WAPL: variants seen among roughly 807,000 people sequenced by gnomAD.
The protein encoded by WAPL is WAPL cohesin release factor.
In WAPL, 5 loss-of-function variants were observed where a neutral mutation model predicts 121.0. The observed-to-expected ratio is 0.04, with a 90% CI of 0.02 to 0.09. WAPL has a LOEUF of 0.09. Among genes scored for constraint, WAPL ranks in the 10% least tolerant of loss-of-function variants. The pLI is 1.00. For synonymous variants in WAPL, 480 were observed against 481.5 expected (o/e 1.00, Z 0.04); for missense variants, 999 against 1,410.8 (o/e 0.71, Z 4.68).
At chr10:86,469,871 A>G (rs535220892) in intron 8 of WAPL, among the ~76,000 whole-genome samples, 2 of 152,318 alleles carry the variant, frequency 1.3e-5, no homozygotes, top group South Asian at 2.1e-4. Flanking sequence ...TGTTAACTGC[A>G]TAACAAAGCA....
In WAPL at chr10:86,506,921, T is replaced by A. The variant is rs539428295; in HGVS notation, c.500-6178A>T. On this transcript the variant is annotated intron_variant, in intron 2 of 18. Coordinates refer to ENST00000298767, the MANE Select transcript of WAPL (RefSeq NM_015045.5). ...GCAGGACAGTTTGGGGACACTGATA[T>A]GCTGACTCTCCAGAGCCTCTTTATA... Among the ~76,000 whole-genome samples, 13 of 152,172 alleles carry A rather than the reference T, an allele frequency of 8.5e-5. No homozygotes were observed. In the East Asian group the frequency reaches 1.9e-3, roughly 23 times the overall value.
chr10:86,447,379 A>C (rs1849648995), intron 15 of WAPL, among the ~76,000 whole-genome samples: 1 of 152,250 alleles, frequency 6.6e-6, no homozygotes, highest in Non-Finnish European at 1.5e-5. Flanking sequence ...TGGGGGTTAC[A>C]GGTTACTCTG....
chr10:86,517,485 C>T, intron 2 of WAPL, 86 bp downstream of exon 2: 3 of 1,459,798 alleles, frequency 2.1e-6, no homozygotes, highest in Non-Finnish European at 2.7e-6. Flanking sequence ...AAAGAAAACA[C>T]AATATATATT....
chr10:86,454,728 C>T (rs972549312), intron 12 of WAPL, among the ~76,000 whole-genome samples: 6 of 151,288 alleles, frequency 4.0e-5, no homozygotes, highest in Non-Finnish European at 5.9e-5. Context: ...TCTGCCCGGC[C>T]GCCCAGCCTG....
chr10:86,501,310 TGTTA>T (rs1236850518), intron 2 of WAPL, among the ~76,000 whole-genome samples: 2 of 152,190 alleles, frequency 1.3e-5, no homozygotes, highest in African/African-American at 4.8e-5. Context: ...AGTTCTGGTG[TGTTA>T]GTTAAATGGC....
intron 15 of WAPL, 131 bp downstream of exon 15, chr10:86,451,836 G>T: frequency 2.0e-6 from 2 of 984,208 alleles, no homozygotes; most frequent in Non-Finnish European, 1.5e-6. Context: ...TAACTAAAAA[G>T]GCCGGGGGAG....
At chr10:86,519,258 T>C (rs79536675) in intron 1 of WAPL, among the ~76,000 whole-genome samples, 11,401 of 152,244 alleles carry the variant, frequency 0.075, 459 homozygotes, top group Middle Eastern at 0.14. Context: ...CAGTAACCGT[T>C]TGTCTAACAC....
chr10:86,467,324 G>A lies in WAPL; in HGVS notation c.2325C>T (p.Leu775=), dbSNP rs1472603806. ...GATGCTTGTTGTGTACAGTTTCACA[G>A]AGCCTTCGGATTTTTTCTTTAATTT... ...MNKIKEKIRR[L]CETVHNKHLD... Residue 775 remains leucine, a synonymous_variant, in exon 9 of 19, where the codon CTC becomes CTT. Transcript: ENST00000298767. 6.2e-7 allele frequency: 1 copy of A among 1,614,072 alleles called. No homozygotes were observed.
At chr10:86,476,633 G>A (rs558264112) in intron 4 of WAPL, among the ~76,000 whole-genome samples, 67 of 150,948 alleles carry the variant, frequency 4.4e-4, no homozygotes, top group Non-Finnish European at 8.7e-4. Flanking sequence ...AGGTTGCAGT[G>A]AGCCGAGATT....
intron 10 of WAPL, among the ~76,000 whole-genome samples, chr10:86,460,960 G>T (rs1445952795): frequency 6.6e-6 from 1 of 152,138 alleles, no homozygotes; most frequent in Non-Finnish European, 1.5e-5. Flanking sequence ...TGATCCGCCC[G>T]CCTTGGCCTC....
chr10:86,438,266 T>A (rs1267882469), intron 17 of WAPL, among the ~76,000 whole-genome samples: 1 of 150,896 alleles, frequency 6.6e-6, no homozygotes, highest in African/African-American at 2.4e-5. Flanking sequence ...TTTTTTTTTT[T>A]TTTTTAAATG....
intron 15 of WAPL, among the ~76,000 whole-genome samples, chr10:86,449,919 TGTA>T (rs1402105453): frequency 6.6e-6 from 1 of 152,184 alleles, no homozygotes; most frequent in Non-Finnish European, 1.5e-5. Context: ...TATATCTCAA[TGTA>T]GTGGTGAGTA....
chr10:86,442,761 C>G (rs954459965), intron 17 of WAPL, among the ~76,000 whole-genome samples: 1 of 152,000 alleles, frequency 6.6e-6, no homozygotes, highest in Non-Finnish European at 1.5e-5. Flanking sequence ...TGGAAATGGC[C>G]GGGCACGGTG....
intron 4 of WAPL, among the ~76,000 whole-genome samples, chr10:86,492,469 T>G (rs1049233333): frequency 6.6e-6 from 1 of 152,186 alleles, no homozygotes; most frequent in Non-Finnish European, 1.5e-5. Flanking sequence ...TACTTTTATT[T>G]TGTTGAGAGC....
chr10:86,469,255 T>TCTCAAAATCACTCAGATCAGGTAG (rs1564571376), intron 8 of WAPL, among the ~76,000 whole-genome samples: 10 of 520 alleles, frequency 0.019, 1 homozygote, highest in Non-Finnish European at 0.074. Flanking sequence ...TTTTTTTTTT[T>TCTCAAAATCACTCAGATCAGGTAG]TTTTTTTTTT....
intron 8 of WAPL, among the ~76,000 whole-genome samples, chr10:86,470,452 G>T (rs1841511284): frequency 6.6e-6 from 1 of 152,126 alleles, no homozygotes; most frequent in Admixed American, 6.5e-5. Flanking sequence ...AGCAATGATG[G>T]TTACTTTCTT....
chr10:86,467,480 G>A lies in WAPL; in HGVS notation c.2169C>T (p.Leu723=). 1 of 1,613,694 alleles carries A rather than the reference G, an allele frequency of 6.2e-7. No homozygotes were observed. Among genetic ancestry groups the A allele is most frequent in the South Asian group, 1.1e-5 (1 of 91,022 alleles). ...AACGATCTCTACTCAGTATATACAT[G>A]AGGGCAGCTGTACAGAGGGACAGAT... The part of the protein sequence containing the change: ...HQNLSLCTAA[L]MYILSRDRLN... The change falls in exon 9 of 19, where the codon CTC becomes CTT. Residue 723 remains leucine (L), a synonymous_variant. Coordinates refer to ENST00000298767, the MANE Select transcript of WAPL (RefSeq NM_015045.5).
At chr10:86,515,155 G>T (rs1172056739) in intron 2 of WAPL, among the ~76,000 whole-genome samples, 2 of 151,850 alleles carry the variant, frequency 1.3e-5, no homozygotes, top group Non-Finnish European at 2.9e-5. Context: ...AGCTACTCGG[G>T]GGGACTGGGG....
chr10:86,442,183 C>T (rs758598176), intron 17 of WAPL, among the ~76,000 whole-genome samples: 82 of 152,142 alleles, frequency 5.4e-4, no homozygotes, highest in South Asian at 4.1e-4. Flanking sequence ...AGGTGTGCAC[C>T]GCCACGCCCA....
Sources: allele counts gnomAD v4.1 joint callset (sites outside exome capture counted in the v4.1 genomes callset), GRCh38; gene constraint gnomAD v4.1.1; transcripts MANE v1.5; gene names NCBI Gene and HGNC (gene_info 2026-07-23, HGNC 2026-07-21).